ZMAT3: variants seen among roughly 807,000 people sequenced by gnomAD.
ZMAT3 encodes zinc finger matrin-type protein 3.
Under a neutral mutation model 32.3 loss-of-function variants are expected in ZMAT3, and 17 were observed. The observed-to-expected ratio is 0.53, with a 90% confidence interval of 0.36 to 0.79. The LOEUF (loss-of-function observed/expected upper bound fraction) is 0.79. ZMAT3 is among the 30% of genes least tolerant of loss of function. The pLI is 0.00. For missense variants in ZMAT3, 329 were observed against 359.7 expected, an observed-to-expected ratio of 0.91 and a Z score of 0.69; for synonymous variants, 120 against 133.1, an observed-to-expected ratio of 0.90 and a Z score of 0.68.
intron 2 of ZMAT3, among the ~76,000 whole-genome samples, chr3:179,054,180 T>TG (rs1239373417): frequency 2.0e-5 from 3 of 152,236 alleles, no homozygotes; most frequent in African/African-American, 7.2e-5. Flanking sequence ...TGGGACAATC[T>TG]GGTTCCACTG....
intron 2 of ZMAT3, among the ~76,000 whole-genome samples, chr3:179,034,489 G>A (rs965268198): frequency 2.0e-5 from 3 of 152,194 alleles, no homozygotes; most frequent in South Asian, 2.1e-4. Flanking sequence ...GTCCAAGGAC[G>A]CACCCTTAGC....
rs898423386 is a variant in ZMAT3 at position 179,019,142 on chromosome 3, T to C, written c.*5875A>G. The C allele has an allele frequency of 2.6e-5, 4 of 152,112 alleles. No individual in the cohort carries two copies. Among genetic ancestry groups the C allele is most frequent in the Non-Finnish European group, 5.9e-5 (4 of 67,994 alleles). The allele number at this position is 152,112 out of a possible 1,614,324, so 9.4% of individuals were successfully genotyped here. A position where few individuals can be genotyped will look rare whatever the true frequency, so the allele number is the denominator to read the frequency against. ...TCAGAAGTGGGGAAAAGAAAAATTA[T>C]ATTGAAACTTTAAAATTTATGACAA... is the stretch of plus-strand genomic sequence containing the variant. On this transcript the variant is annotated 3_prime_UTR_variant, in exon 6 of 6. Transcript: ENST00000311417.
At chr3:179,045,718 T>C (rs756428648) in intron 2 of ZMAT3, among the ~76,000 whole-genome samples, 4 of 152,176 alleles carry the variant, frequency 2.6e-5, no homozygotes, top group Non-Finnish European at 4.4e-5. Flanking sequence ...AAGAGATACA[T>C]GGGGACTTCA....
intron 2 of ZMAT3, among the ~76,000 whole-genome samples, chr3:179,065,165 T>C (rs1721343404): frequency 1.3e-5 from 2 of 152,228 alleles, no homozygotes; most frequent in African/African-American, 4.8e-5. Flanking sequence ...GATTACTTGC[T>C]TGCCTCTTTT....
intron 3 of ZMAT3, among the ~76,000 whole-genome samples, chr3:179,028,661 C>A (rs1352865467): frequency 6.6e-6 from 1 of 152,226 alleles, no homozygotes; most frequent in East Asian, 1.9e-4. Flanking sequence ...CTTCAGAAAC[C>A]AGTGACAGGA....
chr3:179,032,419 G>A (rs967579484), intron 2 of ZMAT3, among the ~76,000 whole-genome samples: 31 of 152,156 alleles, frequency 2.0e-4, no homozygotes, highest in Middle Eastern at 3.4e-3. Context: ...CTGCCCGGCC[G>A]CCACCCCGTC....
intron 2 of ZMAT3, 98 bp from the exon 3 acceptor site, chr3:179,031,097 A>G (rs1386446089): frequency 4.7e-6 from 5 of 1,063,336 alleles, no homozygotes; most frequent in Non-Finnish European, 5.2e-6. Flanking sequence ...AAATATTAAG[A>G]TATTTTGAGA....
intron 1 of ZMAT3, among the ~76,000 whole-genome samples, chr3:179,068,525 A>G (rs1279039726): frequency 6.6e-6 from 1 of 151,808 alleles, no homozygotes; most frequent in Non-Finnish European, 1.5e-5. Flanking sequence ...AAAAAAAAAG[A>G]CCACCAGCTA....
chr3:179,065,947 G>A (rs921881875), intron 2 of ZMAT3, among the ~76,000 whole-genome samples: 4 of 152,142 alleles, frequency 2.6e-5, no homozygotes, highest in Admixed American at 1.3e-4. Context: ...TATGTGTATA[G>A]CATACAAGTG....
chr3:179,044,513 A>G (rs1720122962), intron 2 of ZMAT3, among the ~76,000 whole-genome samples: 1 of 152,132 alleles, frequency 6.6e-6, no homozygotes, highest in Non-Finnish European at 1.5e-5. Flanking sequence ...GCATGGTTGC[A>G]GGTGCTTGTA....
In ZMAT3 at chr3:179,030,915, G is replaced by A; in HGVS notation, c.355C>T (p.Pro119Ser). Reference protein sequence around the residue: ...PPARMSNVVEPAATPVVPVPP... With the variant: ...PPARMSNVVESAATPVVPVPP... Reference sequence around the variant, plus strand: ...ACTGGAACAACTGGAGTAGCTGCAGGCTCGACCACATTGCTCATTCTAGCA... The same window carrying A: ...ACTGGAACAACTGGAGTAGCTGCAGACTCGACCACATTGCTCATTCTAGCA... The change falls in exon 3 of 6, where the codon CCT becomes TCT. Residue 119 changes from proline to serine, a missense_variant. Physicochemically the swap from Pro to Ser is moderately conservative, Grantham distance 74. Coordinates refer to ENST00000311417, the MANE Select transcript of ZMAT3 (RefSeq NM_022470.4). 1 of 1,613,784 alleles carries A rather than the reference G, an allele frequency of 6.2e-7. No homozygotes were observed. Among genetic ancestry groups the A allele is most frequent in the South Asian group, 1.1e-5 (1 of 90,978 alleles).
intron 3 of ZMAT3, among the ~76,000 whole-genome samples, chr3:179,028,791 C>T (rs999835672): frequency 3.3e-5 from 5 of 152,206 alleles, no homozygotes; most frequent in African/African-American, 9.6e-5. Flanking sequence ...GCTACCCACA[C>T]TTTTAAATAC....
intron 1 of ZMAT3, among the ~76,000 whole-genome samples, chr3:179,069,414 T>C (rs1325144567): frequency 6.6e-6 from 1 of 152,134 alleles, no homozygotes. Flanking sequence ...CCCAAGATTC[T>C]AATTAACCCA....
intron 2 of ZMAT3, among the ~76,000 whole-genome samples, chr3:179,053,186 GAATATCTATAGATATAA>G (rs1193025270): frequency 1.3e-5 from 2 of 150,324 alleles, no homozygotes; most frequent in East Asian, 1.9e-4. Flanking sequence ...TATAGATATA[GAATATCTATAGATATAA>G]AATATATCTA....
At chr3:179,065,445 T>C (rs1721360833) in intron 2 of ZMAT3, among the ~76,000 whole-genome samples, 1 of 152,178 alleles carries the variant, frequency 6.6e-6, no homozygotes, top group Non-Finnish European at 1.5e-5. Context: ...GCTTATCTAG[T>C]TTTAGCCTTA....
intron 2 of ZMAT3, among the ~76,000 whole-genome samples, chr3:179,053,032 G>A (rs1238839977): frequency 6.6e-6 from 1 of 152,082 alleles, no homozygotes; most frequent in Non-Finnish European, 1.5e-5. Flanking sequence ...GGAGGCTAAG[G>A]CAGGAGAATC....
Position 179,024,840 on chromosome 3 carries a change from T to TCCCCCC in ZMAT3, c.*171_*176dup. On this transcript the variant is annotated 3_prime_UTR_variant, in exon 6 of 6. Coordinates refer to ENST00000311417, the MANE Select transcript of ZMAT3 (RefSeq NM_022470.4). ...AAGAAGCACGTTCTTCACACCCACC[T>TCCCCCC]CCCCCCGCCCCGCCCCCGGGCCCCC... 3.6e-6 allele frequency: 2 copies of TCCCCCC among 554,254 alleles called. No homozygotes were observed. The highest frequency in any genetic ancestry group is 6.4e-6 in the Non-Finnish European group (2 of 310,574). The allele number at this position is 554,254 out of a possible 1,614,324, so 34.3% of individuals were successfully genotyped here.
rs187477439 is a variant in ZMAT3 at position 179,051,890 on chromosome 3, T to C, written c.270+15593A>G. On this transcript the variant is annotated intron_variant, in intron 2 of 5. Coordinates refer to ENST00000311417, the MANE Select transcript of ZMAT3 (RefSeq NM_022470.4). ...ATAAAGCCAAATACTTACGGTCAAC[T>C]GATCTTCAACAAAACAAACAAAAAC... is the stretch of plus-strand genomic sequence containing the variant. 1.7e-3 allele frequency among the ~76,000 whole-genome samples: 254 copies of C among 152,282 alleles called. 1 individual carries two copies. Among genetic ancestry groups the C allele is most frequent in the African/African-American group, 6.0e-3 (250 of 41,560 alleles).
chr3:179,071,962 T>A (rs1305155115), upstream of ZMAT3: 1 of 152,800 alleles, frequency 6.5e-6, no homozygotes, highest in East Asian at 1.9e-4. Context: ...TCAGGTGCCC[T>A]GGCCGCGAGC....
Sources: allele counts gnomAD v4.1 joint callset (sites outside exome capture counted in the v4.1 genomes callset), GRCh38; gene constraint gnomAD v4.1.1; transcripts MANE v1.5; gene names NCBI Gene and HGNC (gene_info 2026-07-23, HGNC 2026-07-21).